The following CCDC171 variants were observed in gnomAD, a reference collection of about 807,000 sequenced individuals.
CCDC171 encodes the protein coiled-coil domain-containing protein 171.
A neutral mutation model predicts 168.2 loss-of-function variants in CCDC171; 177 were observed. The observed-to-expected ratio is 1.05, with a 90% CI of 0.93 to 1.19. The LOEUF is 1.19. Ranked by LOEUF, CCDC171 falls within the 50% of genes most tolerant of loss-of-function variation. The pLI is 0.00. For missense variants in CCDC171, 1,991 were observed against 1,539.0 expected, an observed-to-expected ratio of 1.29 and a Z score of -4.91; for synonymous variants, 687 against 540.8, an observed-to-expected ratio of 1.27 and a Z score of -3.75.
intron 25 of CCDC171, among the ~76,000 whole-genome samples, chr9:15,967,542 T>TAAA (rs1466983472): frequency 1.3e-5 from 2 of 152,194 alleles, no homozygotes; most frequent in Non-Finnish European, 2.9e-5. Flanking sequence ...TGGGTTAATG[T>TAAA]CCCTCAAAAA....
upstream of CCDC171, among the ~76,000 whole-genome samples, chr9:16,038,935 C>T (rs1006023784): frequency 6.8e-6 from 1 of 146,436 alleles, no homozygotes; most frequent in African/African-American, 2.5e-5. Context: ...TTTATGATTA[C>T]TGATAAAGGT....
At position 15,670,258 on chromosome 9, in the gene CCDC171, G is replaced by C. The variant is rs76486480; in HGVS notation, c.1076+3935G>C. ...CAGTTTGGCCTTTATTTATAAAATA[G>C]TACCAAAAAAAAAGCTGTGTGTGTA... On this transcript the variant is annotated intron_variant, in intron 9 of 25. Coordinates refer to ENST00000380701, the MANE Select transcript of CCDC171 (RefSeq NM_173550.4). Among the ~76,000 whole-genome samples the C allele has an allele frequency of 4.3e-4, 66 of 152,032 alleles. No individual in the cohort carries two copies. The East Asian group carries it at 0.013, about 29-fold the overall frequency.
chr9:15,586,430 G>A lies in CCDC171; in HGVS notation c.353-4936G>A, dbSNP rs145902125. Among the ~76,000 whole-genome samples, 73 of 152,332 alleles carry A rather than the reference G, an allele frequency of 4.8e-4. 1 individual carries two copies. Among genetic ancestry groups the A allele is most frequent in the African/African-American group, 1.7e-3 (69 of 41,582 alleles). ...GAGAGAAAATTTTGGAAGCTGGAAA[G>A]CAAATGGATGAGGAATAACTGAGTT... On this transcript the variant is annotated intron_variant, in intron 4 of 25. Coordinates refer to ENST00000380701, the MANE Select transcript of CCDC171 (RefSeq NM_173550.4).
chr9:15,618,596 GC>G (rs918108898), intron 6 of CCDC171, among the ~76,000 whole-genome samples: 3 of 152,178 alleles, frequency 2.0e-5, no homozygotes, highest in Non-Finnish European at 2.9e-5. Flanking sequence ...CTTGGTGTCT[GC>G]CCAAACAGCC....
At chr9:16,013,517 T>C (rs954485245) in intron 3 of CCDC171, among the ~76,000 whole-genome samples, 2 of 152,238 alleles carry the variant, frequency 1.3e-5, no homozygotes, top group African/African-American at 4.8e-5. Flanking sequence ...CAGGAGCATG[T>C]AGCATGCGCT....
intron 7 of CCDC171, among the ~76,000 whole-genome samples, chr9:15,633,939 C>T (rs927834783): frequency 1.3e-5 from 2 of 152,052 alleles, no homozygotes; most frequent in Admixed American, 1.3e-4. Flanking sequence ...AAACGAAACA[C>T]CGCATATTCT....
intron 25 of CCDC171, among the ~76,000 whole-genome samples, chr9:15,934,858 A>C (rs1347216320): frequency 6.6e-6 from 1 of 152,062 alleles, no homozygotes; most frequent in Non-Finnish European, 1.5e-5. Flanking sequence ...GTGTTACAAC[A>C]TGGATGCACT....
At chr9:15,896,601 G>T (rs1404975904) in intron 24 of CCDC171, among the ~76,000 whole-genome samples, 2 of 152,040 alleles carry the variant, frequency 1.3e-5, no homozygotes, top group African/African-American at 4.8e-5. Flanking sequence ...AGTTGTGCTT[G>T]ACTAAGGAGG....
At chr9:15,586,157 A>G (rs1413900157) in intron 4 of CCDC171, among the ~76,000 whole-genome samples, 1 of 152,224 alleles carries the variant, frequency 6.6e-6, no homozygotes, top group South Asian at 2.1e-4. Flanking sequence ...CATAAAATGT[A>G]TGATGGACTG....
chr9:16,009,868 C>T (rs184835892), intron 3 of CCDC171, among the ~76,000 whole-genome samples: 2 of 152,216 alleles, frequency 1.3e-5, no homozygotes, highest in Admixed American at 6.5e-5. Flanking sequence ...TGAAAGTAGA[C>T]AGCTAATGGT....
intron 6 of CCDC171, among the ~76,000 whole-genome samples, chr9:15,598,618 G>T (rs1166653210): frequency 6.6e-6 from 1 of 152,004 alleles, no homozygotes; most frequent in African/African-American, 2.4e-5. Flanking sequence ...AAAAGAATTT[G>T]TATTCTGTTG....
At chr9:15,916,532 G>C (rs79460484) in intron 24 of CCDC171, among the ~76,000 whole-genome samples, 2,543 of 151,956 alleles carry the variant, frequency 0.017, 99 homozygotes, top group South Asian at 0.13. Flanking sequence ...TGGCATGTAG[G>C]CTTTATGATA....
intron 3 of CCDC171, among the ~76,000 whole-genome samples, chr9:16,013,083 T>C (rs1832914388): frequency 6.6e-6 from 1 of 152,122 alleles, no homozygotes. Context: ...TGTCCCCAAC[T>C]CTCTTCCTTC....
intron 6 of CCDC171, among the ~76,000 whole-genome samples, chr9:15,597,996 C>T (rs980217552): frequency 9.2e-5 from 14 of 151,986 alleles, no homozygotes; most frequent in African/African-American, 3.1e-4. Flanking sequence ...GTGATATCCC[C>T]TTTATGATTT....
intron 9 of CCDC171, among the ~76,000 whole-genome samples, chr9:15,677,446 A>G (rs992850339): frequency 2.6e-5 from 4 of 152,086 alleles, no homozygotes; most frequent in Non-Finnish European, 5.9e-5. Flanking sequence ...CTCAAAAATT[A>G]CCTCTTTATT....
At chr9:16,090,896 G>A in the CCDC171 span, among the ~76,000 whole-genome samples, 1 of 152,190 alleles carries the variant, frequency 6.6e-6, no homozygotes, top group Non-Finnish European at 1.5e-5. Flanking sequence ...AGGACAATAG[G>A]AGAAGTAATT....
At chr9:15,719,821 G>T (rs7041160) in intron 11 of CCDC171, among the ~76,000 whole-genome samples, 4,127 of 152,098 alleles carry the variant, frequency 0.027, 214 homozygotes, top group African/African-American at 0.094. Context: ...GTCCTTGAAT[G>T]ATTTATTCAT....
intron 3 of CCDC171, among the ~76,000 whole-genome samples, chr9:16,015,730 T>A (rs1048846052): frequency 2.0e-5 from 3 of 152,154 alleles, no homozygotes; most frequent in African/African-American, 7.2e-5. Context: ...TGTCTAAAAC[T>A]TTTCCATCTT....
At chr9:15,653,204 A>G (rs1348929298) in intron 7 of CCDC171, among the ~76,000 whole-genome samples, 1 of 152,196 alleles carries the variant, frequency 6.6e-6, no homozygotes, top group African/African-American at 2.4e-5. Flanking sequence ...CAGTAGCACC[A>G]TGACAGCTCA....
Sources: allele counts gnomAD v4.1 joint callset (sites outside exome capture counted in the v4.1 genomes callset), GRCh38; gene constraint gnomAD v4.1.1; transcripts MANE v1.5; gene names NCBI Gene and HGNC (gene_info 2026-07-23, HGNC 2026-07-21).